Variants in PDZRN3 observed in about 807,000 individuals in gnomAD.
PDZRN3 encodes the protein PDZ domain containing ring finger 3, also known as E3 ubiquitin-protein ligase PDZRN3.
Under a neutral mutation model 85.7 loss-of-function variants are expected in PDZRN3, and 38 were observed. That is an observed-to-expected ratio of 0.44 (90% CI 0.34 to 0.58). The LOEUF is 0.58. Ranked by LOEUF, PDZRN3 falls within the 20% of genes least tolerant of loss-of-function variation. The pLI, the probability that PDZRN3 is intolerant of heterozygous loss-of-function variation, is 0.01. For synonymous variants in PDZRN3, 759 were observed against 638.0 expected (o/e 1.19, Z -2.86); for missense variants, 1,629 against 1,506.4 (o/e 1.08, Z -1.35).
intron 3 of PDZRN3, among the ~76,000 whole-genome samples, chr3:73,518,414 G>A (rs1175913013): frequency 6.6e-6 from 1 of 152,086 alleles, no homozygotes; most frequent in African/African-American, 2.4e-5. Flanking sequence ...AAAAGTTCAG[G>A]AGATGGATAA....
chr3:73,621,512 A>G (rs949566946), intron 1 of PDZRN3, among the ~76,000 whole-genome samples: 1 of 152,254 alleles, frequency 6.6e-6, no homozygotes, highest in Non-Finnish European at 1.5e-5. Context: ...AGCCGGCCCA[A>G]TGAAATAAAC....
rs757068943 is a variant in PDZRN3 at position 73,384,433 on chromosome 3, G to C, written c.2133C>G (p.Leu711=). Residue 711 remains leucine (L), a synonymous_variant, in exon 10 of 10, where the codon CTC becomes CTG. Coordinates refer to ENST00000263666, the MANE Select transcript of PDZRN3 (RefSeq NM_015009.3). ...SIVRAHKMQQ[L]KEQYRESWML... ...TCCAGGACTCGCGGTACTGCTCCTTGAGCTGCTGCATCTTGTGGGCGCGCA... is the reference window on the plus strand; with the variant it reads ...TCCAGGACTCGCGGTACTGCTCCTTCAGCTGCTGCATCTTGTGGGCGCGCA... 4.3e-6 allele frequency: 7 copies of C among 1,611,586 alleles called. No homozygotes were observed. The highest frequency in any genetic ancestry group is 3.3e-5 in the South Asian group (3 of 91,088).
intron 3 of PDZRN3, among the ~76,000 whole-genome samples, chr3:73,464,968 CTTAT>C (rs1053259257): frequency 9.8e-5 from 15 of 152,300 alleles, no homozygotes; most frequent in African/African-American, 3.4e-4. Flanking sequence ...ACTTATTCCT[CTTAT>C]TTAAGTGAAA....
chr3:73,413,516 T>C (rs756081019), intron 3 of PDZRN3, among the ~76,000 whole-genome samples: 20 of 152,176 alleles, frequency 1.3e-4, no homozygotes, highest in Non-Finnish European at 2.8e-4. Flanking sequence ...TGGTGTTATC[T>C]CTACCACCTC....
intron 1 of PDZRN3, among the ~76,000 whole-genome samples, chr3:73,618,221 T>C (rs996637686): frequency 6.6e-6 from 1 of 152,184 alleles, no homozygotes; most frequent in Non-Finnish European, 1.5e-5. Flanking sequence ...GAGTCATGGG[T>C]AAGAGCACCG....
chr3:73,440,112 TTTC>T (rs1410651535), intron 3 of PDZRN3, among the ~76,000 whole-genome samples: 2 of 152,126 alleles, frequency 1.3e-5, no homozygotes, highest in African/African-American at 4.8e-5. Context: ...TTGAGGACAT[TTTC>T]TTTGGGCTGC....
chr3:73,554,577 A>G (rs1701646487), intron 3 of PDZRN3, among the ~76,000 whole-genome samples: 1 of 152,222 alleles, frequency 6.6e-6, no homozygotes, highest in Non-Finnish European at 1.5e-5. Flanking sequence ...AAGGAAATAA[A>G]TATCTATACC....
At chr3:73,482,538 A>G (rs1296290099) in intron 3 of PDZRN3, among the ~76,000 whole-genome samples, 1 of 152,106 alleles carries the variant, frequency 6.6e-6, no homozygotes, top group Non-Finnish European at 1.5e-5. Context: ...TTTTGTTGTT[A>G]TTATTGTATT....
chr3:73,562,986 TATA>T (rs1559739516), intron 3 of PDZRN3, among the ~76,000 whole-genome samples: 7 of 22,924 alleles, frequency 3.1e-4, no homozygotes, highest in African/African-American at 4.7e-4. Context: ...TGGCAAATTA[TATA>T]TATATATATA....
intron 3 of PDZRN3, among the ~76,000 whole-genome samples, chr3:73,529,209 C>T (rs1382403929): frequency 2.0e-5 from 3 of 152,206 alleles, no homozygotes; most frequent in South Asian, 2.1e-4. Flanking sequence ...TAAACACGGA[C>T]TAAGAAATCT....
At chr3:73,609,573 C>T (rs1702652881) in intron 1 of PDZRN3, among the ~76,000 whole-genome samples, 1 of 152,206 alleles carries the variant, frequency 6.6e-6, no homozygotes, top group African/African-American at 2.4e-5. Flanking sequence ...TGCAAAACAT[C>T]ACAGCCTGTG....
chr3:73,493,208 A>G (rs1703806111), intron 3 of PDZRN3, among the ~76,000 whole-genome samples: 1 of 152,070 alleles, frequency 6.6e-6, no homozygotes, highest in Non-Finnish European at 1.5e-5. Flanking sequence ...CCTGGGTGAC[A>G]CCCAAGGTCT....
chr3:73,612,923 A>T (rs1702706228), intron 1 of PDZRN3, among the ~76,000 whole-genome samples: 1 of 152,210 alleles, frequency 6.6e-6, no homozygotes, highest in African/African-American at 2.4e-5. Flanking sequence ...CCAAAACACA[A>T]GGCACAGTGT....
At chr3:73,563,013 A>ATATATATATAT (rs1187151191) in intron 3 of PDZRN3, among the ~76,000 whole-genome samples, 5 of 43,760 alleles carry the variant, frequency 1.1e-4, no homozygotes, top group African/African-American at 4.1e-4. Flanking sequence ...ATATATATAT[A>ATATATATATAT]TTTTTTTTTT....
rs77817631 is a variant in PDZRN3, at chr3:73,428,119, G to A, written c.919-23724C>T. Among the ~76,000 whole-genome samples the A allele has an allele frequency of 9.7e-3, 1,473 of 152,288 alleles. 9 individuals carry two copies. Among genetic ancestry groups the A allele is most frequent in the Non-Finnish European group, 0.016 (1,088 of 68,014 alleles). On this transcript the variant is annotated intron_variant, in intron 3 of 9. Transcript: ENST00000263666. ...GGACCAGGGCAGATGAGCAGGGCAG[G>A]AGGTTTATGGGAGAGGTCAGAAGAG...
intron 1 of PDZRN3, among the ~76,000 whole-genome samples, chr3:73,612,860 T>C (rs1433607931): frequency 6.6e-6 from 1 of 152,194 alleles, no homozygotes; most frequent in East Asian, 1.9e-4. Context: ...ATGACTGAGA[T>C]AGACAGATAC....
intron 3 of PDZRN3, among the ~76,000 whole-genome samples, chr3:73,536,612 A>G (rs1704793166): frequency 6.6e-6 from 1 of 152,264 alleles, no homozygotes; most frequent in Non-Finnish European, 1.5e-5. Flanking sequence ...ATTTTAAGAA[A>G]CAAAGGCTTC....
chr3:73,450,582 C>T (rs1302519776), intron 3 of PDZRN3, among the ~76,000 whole-genome samples: 4 of 152,200 alleles, frequency 2.6e-5, no homozygotes, highest in Non-Finnish European at 4.4e-5. Flanking sequence ...GAATAGCCCA[C>T]TTGTAATAAA....
intron 3 of PDZRN3, among the ~76,000 whole-genome samples, chr3:73,415,243 G>A (rs1702052285): frequency 6.6e-6 from 1 of 152,104 alleles, no homozygotes; most frequent in Non-Finnish European, 1.5e-5. Context: ...CAATCCAAAG[G>A]GCAGGATTTA....
Sources: gnomAD v4.1 joint callset for allele counts (sites outside exome capture counted in the v4.1 genomes callset) on GRCh38, gnomAD v4.1.1 for gene constraint, MANE v1.5 for transcripts, NCBI Gene and HGNC (gene_info 2026-07-23, HGNC 2026-07-21) for gene names.